FAM193A: variants seen among roughly 807,000 people sequenced by gnomAD.
FAM193A encodes the protein protein FAM193A.
A neutral mutation model predicts 126.5 loss-of-function variants in FAM193A; 22 were observed. The observed-to-expected ratio is 0.17, with a 90% CI of 0.12 to 0.25. The LOEUF (loss-of-function observed/expected upper bound fraction) is 0.25. Among genes scored for constraint, FAM193A ranks in the 10% least tolerant of loss-of-function variants. The probability of loss-of-function intolerance (pLI) is 1.00; values close to 1 mark genes in which losing one functional copy is unlikely to be tolerated. For missense variants in FAM193A, 1,675 were observed against 1,672.8 expected (o/e 1.00, Z -0.02); for synonymous variants, 761 against 646.8 (o/e 1.18, Z -2.68).
At chr4:2,582,421 C>T (rs1233163036) in intron 1 of FAM193A, among the ~76,000 whole-genome samples, 1 of 152,174 alleles carries the variant, frequency 6.6e-6, no homozygotes, top group Non-Finnish European at 1.5e-5. Context: ...AGGCACGAGC[C>T]CCATCGTACT....
rs1163561383 is a variant in FAM193A at position 2,631,125 on chromosome 4, C to T, written c.994C>T (p.Leu332Phe). Residue 332 changes from leucine to phenylalanine, a missense_variant, in exon 5 of 21, where the codon CTC (leucine) becomes TTC (phenylalanine). By Grantham distance (22) the Leu-to-Phe change is conservative. Transcript: ENST00000637812. ...ISLLLEEYGA[L>F]CQAARSISTF... ...CCTCCTGCTTGAGGAGTACGGCGCC[C>T]TCTGCCAGGCCGCACGCTCCATCAG... 2 of 1,613,222 alleles carry T rather than the reference C, an allele frequency of 1.2e-6. No homozygotes were observed. The highest frequency in any genetic ancestry group is 1.7e-5 in the Admixed American group (1 of 59,892).
intron 8 of FAM193A, among the ~76,000 whole-genome samples, chr4:2,659,185 C>T (rs1003229515): frequency 5.9e-5 from 9 of 152,096 alleles, no homozygotes; most frequent in East Asian, 3.9e-4. Context: ...TCAATAGCTC[C>T]GAGGCCGACC....
intron 19 of FAM193A, among the ~76,000 whole-genome samples, chr4:2,713,789 G>T (rs1719254923): frequency 6.6e-6 from 1 of 152,200 alleles, no homozygotes; most frequent in South Asian, 2.1e-4. Context: ...CAGTGGCCTT[G>T]AGTAGGGCCA....
intron 1 of FAM193A, among the ~76,000 whole-genome samples, chr4:2,576,089 GTTAT>G (rs144324210): frequency 3.9e-5 from 6 of 151,900 alleles, no homozygotes; most frequent in Admixed American, 2.0e-4. Flanking sequence ...CACATACCCA[GTTAT>G]TTATTTATTT....
At chr4:2,607,572 G>T (rs533233829) in intron 2 of FAM193A, among the ~76,000 whole-genome samples, 1 of 152,222 alleles carries the variant, frequency 6.6e-6, no homozygotes, top group South Asian at 2.1e-4. Context: ...ATTTAACATA[G>T]GTGTCAACCA....
intron 4 of FAM193A, among the ~76,000 whole-genome samples, chr4:2,629,999 G>T (rs556454368): frequency 4.6e-5 from 7 of 152,116 alleles, no homozygotes; most frequent in Admixed American, 2.0e-4. Flanking sequence ...GGGCGTGGTG[G>T]CGGGCACCTG....
At chr4:2,639,888 T>G in intron 6 of FAM193A, 29 bp downstream of exon 6, 1 of 1,605,314 alleles carries the variant, frequency 6.2e-7, no homozygotes. Flanking sequence ...TATGTGTCTT[T>G]GTGGTGTGAC....
intron 2 of FAM193A, among the ~76,000 whole-genome samples, chr4:2,614,306 A>G (rs111563066): frequency 1.8e-4 from 27 of 152,326 alleles, no homozygotes; most frequent in African/African-American, 6.3e-4. Context: ...TTATATTTTT[A>G]GTTTGCTAAG....
intron 1 of FAM193A, among the ~76,000 whole-genome samples, chr4:2,544,138 A>AT (rs1242492718): frequency 2.0e-5 from 3 of 152,178 alleles, no homozygotes; most frequent in Non-Finnish European, 4.4e-5. Context: ...CTTAACTAAA[A>AT]TTAACAATTT....
rs1742969713 is a variant in FAM193A, at chr4:2,626,420, G to T, written c.646G>T (p.Ala216Ser). Residue 216 changes from alanine (A) to serine (S), a missense_variant, in exon 4 of 21, where the codon GCA (alanine) becomes TCA (serine). By Grantham distance (99) the Ala-to-Ser change is moderately conservative. Around this residue, in one of 4 missense-constraint regions of FAM193A, gnomAD observed 1,186 missense variants for 1,109.2 expected, o/e 1.07. Coordinates refer to ENST00000637812, the MANE Select transcript of FAM193A (RefSeq NM_001366318.2). ...TGTGTTGTCTCACAGAGAAATTTCG[G>T]CAGAGGCGGACCGGGAACCTCAGCA... ...EACSERREIS[A>S]EADREPQQLQ... 6 of 699,182 alleles carry T rather than the reference G, an allele frequency of 8.6e-6. No individual in the cohort carries two copies. Among genetic ancestry groups the T allele is most frequent in the Non-Finnish European group, 1.3e-5 (5 of 381,832 alleles). The allele number at this position is 699,182 out of a possible 1,614,324, so 43.3% of individuals were successfully genotyped here.
rs1023331448 is a variant in FAM193A at position 2,610,681 on chromosome 4, C to T, written c.501+14352C>T. Among the ~76,000 whole-genome samples the T allele has an allele frequency of 2.6e-5, 4 of 151,892 alleles. No homozygotes were observed. The South Asian group carries it at 6.2e-4, about 24-fold the overall frequency. The stretch of plus-strand genomic sequence containing the variant: ...GTTTATCCATTCATCAATAGAGAGA[C>T]GTTTGTATTTTCCAGTTTGGGCTGT... On this transcript the variant is annotated intron_variant, in intron 2 of 20. Coordinates refer to ENST00000637812, the MANE Select transcript of FAM193A (RefSeq NM_001366318.2).
chr4:2,592,134 C>A (rs1456446979), intron 1 of FAM193A, among the ~76,000 whole-genome samples: 1 of 152,062 alleles, frequency 6.6e-6, no homozygotes, highest in African/African-American at 2.4e-5. Flanking sequence ...TCTGTTTGCC[C>A]AGGCTGGAAT....
intron 7 of FAM193A, among the ~76,000 whole-genome samples, chr4:2,651,714 C>T (rs748805189): frequency 1.1e-4 from 16 of 152,194 alleles, no homozygotes; most frequent in South Asian, 8.3e-4. Flanking sequence ...TCACGGCAGA[C>T]GTGGAAGGTC....
chr4:2,590,982 G>A (rs1220657321), intron 1 of FAM193A, among the ~76,000 whole-genome samples: 4 of 151,460 alleles, frequency 2.6e-5, no homozygotes, highest in South Asian at 2.1e-4. Context: ...AGCCGAGATC[G>A]TGCCACTACA....
At chr4:2,721,876 A>G (rs1262459641) in intron 20 of FAM193A, among the ~76,000 whole-genome samples, 3 of 152,226 alleles carry the variant, frequency 2.0e-5, no homozygotes, top group Non-Finnish European at 4.4e-5. Flanking sequence ...GTTCACTGCC[A>G]TGTGTTCATA....
rs1190678200 is a variant in FAM193A, at chr4:2,577,426, T to G, written c.256-18658T>G. Among the ~76,000 whole-genome samples the G allele has an allele frequency of 8.9e-5, 13 of 146,328 alleles. No individual in the cohort carries two copies. The East Asian group carries it at 2.4e-3, about 27-fold the overall frequency. The stretch of plus-strand genomic sequence containing the variant: ...AATTAAAGTGGTTTTTTTTTTGTTT[T>G]TTTTTTTTTTGAGACAGAGTCTCAG... On this transcript the variant is annotated intron_variant, in intron 1 of 20. Coordinates refer to ENST00000637812, the MANE Select transcript of FAM193A (RefSeq NM_001366318.2).
chr4:2,578,685 G>A (rs1739745882), intron 1 of FAM193A, among the ~76,000 whole-genome samples: 1 of 152,090 alleles, frequency 6.6e-6, no homozygotes, highest in Non-Finnish European at 1.5e-5. Flanking sequence ...CTGTTGACCA[G>A]AAGTCTTACC....
At chr4:2,591,220 G>A (rs955125907) in intron 1 of FAM193A, among the ~76,000 whole-genome samples, 14 of 152,090 alleles carry the variant, frequency 9.2e-5, no homozygotes, top group African/African-American at 3.1e-4. Flanking sequence ...CAAGCAGCAA[G>A]TATGAAGGCA....
chr4:2,625,498 A>G (rs1179731472), intron 3 of FAM193A, 103 bp downstream of exon 3: 1 of 573,880 alleles, frequency 1.7e-6, no homozygotes, highest in Non-Finnish European at 3.2e-6. Flanking sequence ...ACAGACAGCA[A>G]CAAGAGTAAG....
Sources: gnomAD v4.1 joint callset for allele counts (sites outside exome capture counted in the v4.1 genomes callset) on GRCh38, gnomAD v4.1.1 for gene constraint, gnomAD v4.1.1 regional missense constraint, MANE v1.5 for transcripts, NCBI Gene and HGNC (gene_info 2026-07-23, HGNC 2026-07-21) for gene names.